Variants in LRP5 observed in about 807,000 individuals in gnomAD.
LRP5 encodes the protein low-density lipoprotein receptor-related protein 5.
In LRP5, 62 loss-of-function variants were observed where a neutral mutation model predicts 154.1. The ratio of observed to expected loss-of-function variants is 0.40; its 90% CI spans 0.33 to 0.50. The LOEUF is 0.50. LRP5 is among the 20% of genes least tolerant of loss of function. LRP5 has a pLI of 0.55. For synonymous variants in LRP5, 966 were observed against 1,011.5 expected (o/e 0.96, Z 0.85); for missense variants, 1,915 against 2,336.7 (o/e 0.82, Z 3.72).
intron 16 of LRP5, among the ~76,000 whole-genome samples, chr11:68,428,573 G>T (rs915008762): frequency 1.3e-5 from 2 of 151,776 alleles, no homozygotes; most frequent in African/African-American, 4.8e-5. Context: ...CTTTGTGTCT[G>T]CGTCTTTACC....
At chr11:68,385,094 C>G (rs1390105558) in intron 5 of LRP5, among the ~76,000 whole-genome samples, 2 of 152,230 alleles carry the variant, frequency 1.3e-5, no homozygotes, top group African/African-American at 4.8e-5. Context: ...ACGTGCAAGT[C>G]TTAGGGGCTG....
chr11:68,350,914 G>A (rs1451657579), intron 2 of LRP5, among the ~76,000 whole-genome samples: 2 of 152,164 alleles, frequency 1.3e-5, no homozygotes, highest in East Asian at 1.9e-4. Context: ...GTGTGCGTGT[G>A]CACGCATATG....
At chr11:68,347,222 CT>C (rs1262286215) in intron 1 of LRP5, among the ~76,000 whole-genome samples, 3 of 152,168 alleles carry the variant, frequency 2.0e-5, no homozygotes, top group Non-Finnish European at 2.9e-5. Flanking sequence ...CAGAGTGACC[CT>C]TTAAATGTAG....
rs996587492 is a variant in LRP5, at chr11:68,423,710, C to T, written c.3236+13C>T. ...ACGCGGAGCGAGGGTAGGAGGCCAA[C>T]GGGTGGGTGGGGGTGCTGCCCGTCC... is the stretch of plus-strand genomic sequence containing the variant. On this transcript the variant is annotated intron_variant, in intron 14 of 22. Transcript: ENST00000294304. This position sits in a 1 kb window ranked among gnomAD's most constrained non-coding sequence, Gnocchi z 4.7. 15 of 1,601,778 alleles carry T rather than the reference C, an allele frequency of 9.4e-6. No homozygotes were observed. Among genetic ancestry groups the T allele is most frequent in the East Asian group, 2.2e-5 (1 of 44,800 alleles).
At position 68,449,149 on chromosome 11, in the gene LRP5, G is replaced by T; in HGVS notation, c.*79G>T. 3 of 1,052,366 alleles carry T rather than the reference G, an allele frequency of 2.9e-6. No homozygotes were observed. The highest frequency in any genetic ancestry group is 2.1e-5 in the South Asian group (1 of 48,164). The allele number at this position is 1,052,366 out of a possible 1,614,324, so 65.2% of individuals were successfully genotyped here. The stretch of plus-strand genomic sequence containing the variant: ...GAACAAAGAAAAAAATATATTTTAT[G>T]ATTTAAAAAATAAATATAATTGGGA... On this transcript the variant is annotated 3_prime_UTR_variant, in exon 23 of 23. Coordinates refer to ENST00000294304, the MANE Select transcript of LRP5 (RefSeq NM_002335.4).
chr11:68,401,047 G>A (rs2098652358), intron 7 of LRP5, among the ~76,000 whole-genome samples: 1 of 152,206 alleles, frequency 6.6e-6, no homozygotes, highest in Admixed American at 6.5e-5. Context: ...GGAAGAAGGG[G>A]AAAGGGTTCG....
rs551250526 is a variant in LRP5, at chr11:68,348,368, G to T, written c.488+125G>T. On this transcript the variant is annotated intron_variant, in intron 2 of 22. Coordinates refer to ENST00000294304, the MANE Select transcript of LRP5 (RefSeq NM_002335.4). Reference sequence around the variant, plus strand: ...TGTGACTCTGAAAATGAACCCGTGGGGGGGTTGGCTCAGGCCTGTAACCCC... The same window carrying T: ...TGTGACTCTGAAAATGAACCCGTGGTGGGGTTGGCTCAGGCCTGTAACCCC... 5 of 1,305,520 alleles carry T rather than the reference G, an allele frequency of 3.8e-6. No homozygotes were observed. The African/African-American group carries it at 4.3e-5, about 11-fold the overall frequency. The allele number at this position is 1,305,520 out of a possible 1,614,324, so 80.9% of individuals were successfully genotyped here. A position where few individuals can be genotyped will look rare whatever the true frequency, so the allele number is the denominator to read the frequency against.
At chr11:68,377,077 C>G (rs550438315) in intron 5 of LRP5, among the ~76,000 whole-genome samples, 1 of 152,284 alleles carries the variant, frequency 6.6e-6, no homozygotes, top group African/African-American at 2.4e-5. Context: ...CGAGACCAGC[C>G]TGGCCAACAT....
chr11:68,357,196 A>G (rs1411367041), intron 2 of LRP5, among the ~76,000 whole-genome samples: 1 of 152,140 alleles, frequency 6.6e-6, no homozygotes, highest in African/African-American at 2.4e-5. Context: ...TGGCCTCCCA[A>G]AGTGCTGGGA....
rs141719883 is a variant in LRP5 at position 68,369,183 on chromosome 11, C to G, written c.1015+3481C>G. Among the ~76,000 whole-genome samples, 521 of 152,284 alleles carry G rather than the reference C, an allele frequency of 3.4e-3. 7 individuals carry two copies. The highest frequency in any genetic ancestry group is 0.012 in the African/African-American group (504 of 41,550). ...TCAAGACATGTCTTTTAGTCATCCT[C>G]CCGCTATGGGGCGTTTCTGTTCTCT... On this transcript the variant is annotated intron_variant, in intron 5 of 22. Coordinates refer to ENST00000294304, the MANE Select transcript of LRP5 (RefSeq NM_002335.4).
chr11:68,327,413 T>G (rs1485247391), intron 1 of LRP5, among the ~76,000 whole-genome samples: 1 of 152,236 alleles, frequency 6.6e-6, no homozygotes, highest in Non-Finnish European at 1.5e-5. Flanking sequence ...CCAGCGCCTC[T>G]GCGGATCTGA....
chr11:68,433,054 C>T (rs907787907), intron 17 of LRP5, among the ~76,000 whole-genome samples: 2 of 152,210 alleles, frequency 1.3e-5, no homozygotes, highest in Non-Finnish European at 1.5e-5. Context: ...GGTCCTCTGC[C>T]GGCTCCTGCC....
intron 7 of LRP5, among the ~76,000 whole-genome samples, chr11:68,397,972 TTGTGTGTGTG>T (rs113280059): frequency 1.5e-4 from 22 of 142,192 alleles, no homozygotes; most frequent in South Asian, 2.4e-4. Context: ...CTGTGTGTGT[TTGTGTGTGTG>T]TGTGTGTGTG....
chr11:68,441,023 C>T (rs948312559), intron 21 of LRP5, among the ~76,000 whole-genome samples: 12 of 152,210 alleles, frequency 7.9e-5, no homozygotes, highest in Non-Finnish European at 1.2e-4. Flanking sequence ...CCACCTTGGC[C>T]TCCCAAAGTG....
chr11:68,377,524 C>T (rs1322627901), intron 5 of LRP5, among the ~76,000 whole-genome samples: 4 of 152,210 alleles, frequency 2.6e-5, no homozygotes, highest in Admixed American at 6.5e-5. Flanking sequence ...CACAGGATCC[C>T]GGGTCAAATG....
chr11:68,436,860 C>T (rs1330286417), intron 18 of LRP5, 29 bp from the exon 19 acceptor site: 1 of 1,575,782 alleles, frequency 6.3e-7, no homozygotes, highest in African/African-American at 1.3e-5. Flanking sequence ...ACCCTCCAGC[C>T]TCTCTGAGTG....
chr11:68,409,528 A>G (rs1303898482), intron 9 of LRP5, among the ~76,000 whole-genome samples: 3 of 151,888 alleles, frequency 2.0e-5, no homozygotes, highest in Non-Finnish European at 2.9e-5. Flanking sequence ...CCAGTGGCCA[A>G]GCATCTCGGG....
intron 5 of LRP5, among the ~76,000 whole-genome samples, chr11:68,378,517 ACCCACC>A (rs2098638621): frequency 6.6e-6 from 1 of 151,744 alleles, no homozygotes; most frequent in Non-Finnish European, 1.5e-5. Flanking sequence ...CGGCATCCTG[ACCCACC>A]TCCCACCTCC....
intron 5 of LRP5, among the ~76,000 whole-genome samples, chr11:68,382,335 A>G (rs1474339044): frequency 6.6e-6 from 1 of 152,136 alleles, no homozygotes; most frequent in Non-Finnish European, 1.5e-5. Flanking sequence ...TTCTAGGCCC[A>G]TTTGGGACAC....
Sources: gnomAD v4.1 joint callset for allele counts (sites outside exome capture counted in the v4.1 genomes callset) on GRCh38, gnomAD v4.1.1 for gene constraint, Gnocchi (gnomAD v3.1) non-coding constraint, MANE v1.5 for transcripts, NCBI Gene and HGNC (gene_info 2026-07-23, HGNC 2026-07-21) for gene names.